ALMS1: variants seen among roughly 807,000 people sequenced by gnomAD.
ALMS1 encodes ALMS1 centrosome and basal body associated protein, also known as centrosome-associated protein ALMS1.
ALMS1 carries 271 observed loss-of-function variants against 352.2 expected under a neutral mutation model. That is an observed-to-expected ratio of 0.77 (90% CI 0.70 to 0.85). The LOEUF is 0.85. Among genes scored for constraint, ALMS1 ranks in the 40% least tolerant of loss-of-function variants. The pLI is 0.00. For synonymous variants in ALMS1, 1,865 were observed against 1,761.2 expected (o/e 1.06, Z -1.48); for missense variants, 5,445 against 4,870.7 (o/e 1.12, Z -3.51).
rs201162418 is a variant in ALMS1 at position 73,452,670 on chromosome 2, A to G, written c.6143A>G (p.Tyr2048Cys). 30 of 1,613,840 alleles carry G rather than the reference A, an allele frequency of 1.9e-5. No individual in the cohort carries two copies. The Middle Eastern group carries it at 8.2e-4, about 44-fold the overall frequency. Residue 2048 changes from tyrosine to cysteine, a missense_variant, in exon 8 of 23, where the codon TAT (tyrosine) becomes TGT (cysteine). By Grantham distance (194) the Tyr-to-Cys change is radical (BLOSUM62 -2). Transcript: ENST00000613296. ...TCCCAGACAGCTTTTCATAGTTCCT[A>G]TTCTCAAACAGTAAAGCCCAATATT... ...TPSQTAFHSS[Y>C]SQTVKPNILF...
At position 73,515,457 on chromosome 2, in the gene ALMS1, T is replaced by C. The variant is rs542233179; in HGVS notation, c.9540-4318T>C. Among the ~76,000 whole-genome samples, 62 of 152,238 alleles carry C rather than the reference T, an allele frequency of 4.1e-4. 1 individual carries two copies. Among genetic ancestry groups the C allele is most frequent in the African/African-American group, 1.4e-3 (58 of 41,562 alleles). On this transcript the variant is annotated intron_variant, in intron 10 of 22. Coordinates refer to ENST00000613296, the MANE Select transcript of ALMS1 (RefSeq NM_001378454.1). ...TTTTCCTGCTTCATATGTTACATAATGTTTTGTGTGTTGGATATTGTAAAT... is the reference window on the plus strand; with the variant it reads ...TTTTCCTGCTTCATATGTTACATAACGTTTTGTGTGTTGGATATTGTAAAT...
At chr2:73,540,356 G>C (rs186739554) in intron 12 of ALMS1, among the ~76,000 whole-genome samples, 1 of 152,116 alleles carries the variant, frequency 6.6e-6, no homozygotes, top group Non-Finnish European at 1.5e-5. Context: ...CCCTAAAAGA[G>C]CTCCTGAAGG....
At position 73,448,557 on chromosome 2, in the gene ALMS1, T is replaced by A; in HGVS notation, c.2030T>A (p.Phe677Tyr). The A allele has an allele frequency of 6.2e-7, 1 of 1,613,752 alleles. No homozygotes were observed. The highest frequency in any genetic ancestry group is 1.1e-5 in the South Asian group (1 of 91,068). Residue 677 changes from phenylalanine (F) to tyrosine (Y), a missense_variant, in exon 8 of 23, where the codon TTT becomes TAT. Transcript: ENST00000613296. Reference sequence around the variant, plus strand: ...CACTCACATGTAGAGGACCTCCTCTTTTTCTATCGACAGACCTTGCCAGAT... The same window carrying A: ...CACTCACATGTAGAGGACCTCCTCTATTTCTATCGACAGACCTTGCCAGAT... Reference protein sequence around the residue: ...TSHSHVEDLLFFYRQTLPDGH... With the variant: ...TSHSHVEDLLYFYRQTLPDGH...
At chr2:73,544,032 T>G (rs558397310) in intron 12 of ALMS1, among the ~76,000 whole-genome samples, 1 of 152,172 alleles carries the variant, frequency 6.6e-6, no homozygotes. Context: ...ACCCAAAGGA[T>G]TATAAATCAT....
chr2:73,448,613 T>A lies in ALMS1; in HGVS notation c.2086T>A (p.Ser696Thr). ...GHLTDQALKV[S>T]AVSGPADQKT... The stretch of plus-strand genomic sequence containing the variant: ...TCTAACTGATCAGGCTCTGAAAGTC[T>A]CAGCTGTGTCTGGACCAGCTGACCA... Residue 696 changes from serine (S) to threonine (T), a missense_variant, in exon 8 of 23, where the codon TCA becomes ACA. Ser to Thr is a moderately conservative substitution (Grantham distance 58). Coordinates refer to ENST00000613296, the MANE Select transcript of ALMS1 (RefSeq NM_001378454.1). 6.2e-7 allele frequency: 1 copy of A among 1,612,546 alleles called. No individual in the cohort carries two copies. Among genetic ancestry groups the A allele is most frequent in the Non-Finnish European group, 8.5e-7 (1 of 1,179,434 alleles).
rs1195894910 is a variant in ALMS1 at position 73,557,223 on chromosome 2, C to G, written c.10082C>G (p.Ala3361Gly). 3 of 1,613,886 alleles carry G rather than the reference C, an allele frequency of 1.9e-6. No homozygotes were observed. The highest frequency in any genetic ancestry group is 4.5e-5 in the East Asian group (2 of 44,876). Residue 3361 changes from alanine (A) to glycine (G), a missense_variant, in exon 14 of 23, where the codon GCC (alanine) becomes GGC (glycine). Physicochemically the swap from Ala to Gly is moderately conservative, Grantham distance 60. Transcript: ENST00000613296. ...EKPLQNENAD[A>G]SVQVLITGDE... ...TCAAATGATGTCGTTATTCCAGATG[C>G]CTCAGTTCAAGTGCTAATCACTGGG...
chr2:73,521,028 T>C (rs910131854), intron 11 of ALMS1, among the ~76,000 whole-genome samples: 4 of 152,160 alleles, frequency 2.6e-5, no homozygotes, highest in African/African-American at 9.7e-5. Flanking sequence ...TATACCTAAA[T>C]GTAAAGAAAA....
At chr2:73,534,016 G>A (rs1400052378) in intron 11 of ALMS1, among the ~76,000 whole-genome samples, 1 of 152,020 alleles carries the variant, frequency 6.6e-6, no homozygotes, top group Non-Finnish European at 1.5e-5. Context: ...AACACAACCT[G>A]CATTTTCAAC....
rs762635802 is a variant in ALMS1, at chr2:73,386,086, A to ACGAGGAGGC, written c.220_228dup (p.Glu74_Ala76dup). On this transcript the variant is annotated inframe_insertion, in exon 1 of 23. Transcript: ENST00000613296. Reference sequence around the variant, plus strand: ...CTGGAAAGTATAGACGACGAGGAGGACGAGGAGGCCAAGGCCTGGCTGCAG... The same window carrying ACGAGGAGGC: ...CTGGAAAGTATAGACGACGAGGAGGACGAGGAGGCCGAGGAGGCCAAGGCCTGGCTGCAG... 2.6e-5 allele frequency: 41 copies of ACGAGGAGGC among 1,596,614 alleles called. No individual in the cohort carries two copies. The highest frequency in any genetic ancestry group is 3.3e-5 in the Non-Finnish European group (39 of 1,172,174).
At chr2:73,584,793 C>A (rs1051042434) in intron 16 of ALMS1, among the ~76,000 whole-genome samples, 4 of 149,444 alleles carry the variant, frequency 2.7e-5, no homozygotes, top group African/African-American at 5.0e-5. Flanking sequence ...TCCCACCCTT[C>A]CCCCCTAAGT....
At chr2:73,414,474 T>TTTTTTTTTTTGG (rs1558635484) in intron 2 of ALMS1, among the ~76,000 whole-genome samples, 1 of 18,526 alleles carries the variant, frequency 5.4e-5, no homozygotes, top group Non-Finnish European at 1.1e-4. Flanking sequence ...TTTTTTTCCG[T>TTTTTTTTTTTGG]TTTTTTTTTT....
Position 73,451,413 on chromosome 2 carries a change from G to A in ALMS1, c.4886G>A (p.Arg1629Gln), listed in dbSNP as rs142917664. ...ALGEKPITFY[R>Q]QALLDSPLNK... ...GGAGAGAAGCCCATTACTTTCTACC[G>A]GCAGGCTCTGCTAGACAGTCCTCTA... The change falls in exon 8 of 23, where the codon CGG (arginine) becomes CAG (glutamine). Residue 1629 changes from arginine (R) to glutamine (Q), a missense_variant. Physicochemically the swap from Arg to Gln is conservative, Grantham distance 43 (BLOSUM62 1). Transcript: ENST00000613296. The A allele has an allele frequency of 4.2e-5, 68 of 1,612,430 alleles. No homozygotes were observed. The African/African-American group carries it at 5.0e-4, about 12-fold the overall frequency.
chr2:73,483,035 A>T (rs1377146487), intron 9 of ALMS1, among the ~76,000 whole-genome samples: 1 of 152,064 alleles, frequency 6.6e-6, no homozygotes, highest in African/African-American at 2.4e-5. Flanking sequence ...TCCTGGATTC[A>T]TTAATTTTTT....
At chr2:73,485,681 C>T (rs1002839632) in intron 9 of ALMS1, among the ~76,000 whole-genome samples, 7 of 152,184 alleles carry the variant, frequency 4.6e-5, no homozygotes, top group African/African-American at 9.7e-5. Flanking sequence ...GCCTCGCTGC[C>T]ACCTTGCAGT....
Position 73,448,592 on chromosome 2 carries a change from A to G in ALMS1, c.2065A>G (p.Thr689Ala), listed in dbSNP as rs201804994. The G allele has an allele frequency of 4.6e-4, 735 of 1,613,726 alleles. No homozygotes were observed. The highest frequency in any genetic ancestry group is 5.9e-4 in the Non-Finnish European group (692 of 1,179,944). Residue 689 changes from threonine to alanine, a missense_variant, in exon 8 of 23, where the codon ACT (threonine) becomes GCT (alanine). Thr to Ala is a moderately conservative substitution (Grantham distance 58). Transcript: ENST00000613296. ...ACAGACCTTGCCAGATGGTCATCTA[A>G]CTGATCAGGCTCTGAAAGTCTCAGC... ...YRQTLPDGHL[T>A]DQALKVSAVS...
chr2:73,451,953 G>C lies in ALMS1; in HGVS notation c.5426G>C (p.Arg1809Thr). The C allele has an allele frequency of 6.2e-7, 1 of 1,613,780 alleles. No individual in the cohort carries two copies. Among genetic ancestry groups the C allele is most frequent in the Non-Finnish European group, 8.5e-7 (1 of 1,179,796 alleles). ...STVTSTSYSH[R>T]EKPIVSYQRE... ...GTAACCTCTACTTCCTACTCACACA[G>C]AGAGAAGCCCATTGTTTCCTACCAG... Residue 1809 changes from arginine to threonine, a missense_variant, in exon 8 of 23, where the codon AGA becomes ACA. Physicochemically the swap from Arg to Thr is moderately conservative, Grantham distance 71 (BLOSUM62 -1). Coordinates refer to ENST00000613296, the MANE Select transcript of ALMS1 (RefSeq NM_001378454.1).
intron 1 of ALMS1, among the ~76,000 whole-genome samples, chr2:73,407,710 A>G (rs1319569644): frequency 6.6e-6 from 1 of 152,114 alleles, no homozygotes; most frequent in Non-Finnish European, 1.5e-5. Flanking sequence ...GGTGCATGCC[A>G]TCATGCCCAG....
chr2:73,558,841 C>A, intron 14 of ALMS1, 131 bp from the exon 15 acceptor site: 3 of 983,970 alleles, frequency 3.0e-6, no homozygotes, highest in East Asian at 2.6e-5. Context: ...ATTTTCTAAA[C>A]GCATTTCTGA....
chr2:73,538,846 C>T (rs1292504128), intron 12 of ALMS1, among the ~76,000 whole-genome samples: 3 of 152,210 alleles, frequency 2.0e-5, no homozygotes, highest in African/African-American at 4.8e-5. Flanking sequence ...GATGGGCGCC[C>T]TCCATTGCCG....
Sources: allele counts gnomAD v4.1 joint callset (sites outside exome capture counted in the v4.1 genomes callset), GRCh38; gene constraint gnomAD v4.1.1; transcripts MANE v1.5; gene names NCBI Gene and HGNC (gene_info 2026-07-23, HGNC 2026-07-21).